The following TJP2 variants were observed in gnomAD, a reference collection of about 807,000 sequenced individuals.
TJP2 encodes tight junction protein 2.
In TJP2, 91 loss-of-function variants were observed where a neutral mutation model predicts 133.1. That is an observed-to-expected ratio of 0.68 (90% CI 0.58 to 0.81). The LOEUF is 0.81. Among genes scored for constraint, TJP2 ranks in the 40% least tolerant of loss-of-function variants. The pLI is 0.00. For missense variants in TJP2, 1,541 were observed against 1,565.6 expected (o/e 0.98, Z 0.26); for synonymous variants, 592 against 583.4 (o/e 1.01, Z -0.21).
Position 69,248,102 on chromosome 9 carries a change from A to G in TJP2, c.2758A>G (p.Ser920Gly). The G allele has an allele frequency of 1.2e-6, 2 of 1,614,178 alleles. No homozygotes were observed. The highest frequency in any genetic ancestry group is 1.7e-6 in the Non-Finnish European group (2 of 1,180,022). ...DYLSCDSRLI[S>G]DFEDTDGEGG... ...TCTGAGTTGCGACAGCCGCCTCATC[A>G]GTGACTTTGAAGACACGGACGGTGA... The change falls in exon 19 of 23, where the codon AGT (serine) becomes GGT (glycine). Residue 920 changes from serine (S) to glycine (G), a missense_variant. Transcript: ENST00000377245.
rs576335992 is a variant in TJP2 at position 69,123,627 on chromosome 9, G to A, written c.-131+1902G>A. ...TTTGGGAATTCCTGGGTAGACAAAA[G>A]CACTATAGCTCAAGGTTCTTAGAGT... On this transcript the variant is annotated intron_variant, in intron 1 of 5. Coordinates refer to the TJP2 transcript ENST00000423935. Among the ~76,000 whole-genome samples the A allele has an allele frequency of 2.6e-5, 2 of 76,756 alleles. 1 individual carries two copies. Among genetic ancestry groups the A allele is most frequent in the African/African-American group, 7.9e-5 (2 of 25,254 alleles). 50.4% of individuals were successfully genotyped at this position (76,756 alleles called of 152,430 possible).
chr9:69,237,929 T>C lies in TJP2; in HGVS notation c.2231T>C (p.Met744Thr). ...TTCGGCCCCATAGCTGATATAGCAA[T>C]GGAAAAATTGGCTAATGAGTTACCT... ...VLFGPIADIA[M>T]EKLANELPDW... The change falls in exon 15 of 23, where the codon ATG becomes ACG. Residue 744 changes from methionine to threonine, a missense_variant. By Grantham distance (81) the Met-to-Thr change is moderately conservative. Transcript: ENST00000377245. The C allele has an allele frequency of 6.2e-7, 1 of 1,614,002 alleles. No individual in the cohort carries two copies. Among genetic ancestry groups the C allele is most frequent in the South Asian group, 1.1e-5 (1 of 91,068 alleles).
chr9:69,218,944 A>T (rs921309485), intron 4 of TJP2, among the ~76,000 whole-genome samples: 5 of 151,428 alleles, frequency 3.3e-5, no homozygotes, highest in African/African-American at 9.7e-5. Context: ...ATATACCCAC[A>T]TATATGGTTG....
Position 69,241,512 on chromosome 9 carries a change from G to A in TJP2, c.2566+1365G>A, listed in dbSNP as rs543315164. ...GTTTTAGTGTAACTTGGTTTTTCTT[G>A]TTAAAGAGAGGTGCACTACTTGCCA... On this transcript the variant is annotated intron_variant, in intron 17 of 22. Transcript: ENST00000377245. 3.3e-5 allele frequency among the ~76,000 whole-genome samples: 5 copies of A among 152,292 alleles called. No individual in the cohort carries two copies. In the East Asian group the frequency reaches 9.6e-4, roughly 29 times the overall value.
intron 1 of TJP2, among the ~76,000 whole-genome samples, chr9:69,123,961 A>G (rs1294540680): frequency 1.3e-5 from 1 of 76,014 alleles, no homozygotes; most frequent in Non-Finnish European, 3.0e-5. Flanking sequence ...TCCACCTCCC[A>G]GGTTCACGCC....
At chr9:69,185,063 C>CTT (rs10699607) in intron 1 of TJP2, among the ~76,000 whole-genome samples, 59,018 of 132,228 alleles carry the variant, frequency 0.45, 13,368 homozygotes, top group South Asian at 0.51. Context: ...AGACTGATTT[C>CTT]TTTTTTTTTT....
intron 11 of TJP2, among the ~76,000 whole-genome samples, chr9:69,233,458 G>A (rs974553134): frequency 6.6e-6 from 1 of 152,154 alleles, no homozygotes; most frequent in African/African-American, 2.4e-5. Flanking sequence ...TTATAATTCT[G>A]TTTTAAAATA....
At chr9:69,143,947 A>G (rs956368498) in intron 1 of TJP2, among the ~76,000 whole-genome samples, 4 of 152,214 alleles carry the variant, frequency 2.6e-5, no homozygotes, top group African/African-American at 9.7e-5. Flanking sequence ...TTACAATTTA[A>G]AAGATATTAG....
At chr9:69,222,071 C>A (rs560301689) in intron 5 of TJP2, among the ~76,000 whole-genome samples, 6 of 151,942 alleles carry the variant, frequency 3.9e-5, no homozygotes, top group South Asian at 2.1e-4. Context: ...GGGGTTTCAC[C>A]GTGTTGGCCA....
intron 7 of TJP2, among the ~76,000 whole-genome samples, chr9:69,226,723 T>C (rs1474709786): frequency 6.6e-6 from 1 of 152,210 alleles, no homozygotes; most frequent in Admixed American, 6.5e-5. Flanking sequence ...GGTCTTGAAC[T>C]CCTGACCTCG....
intron 2 of TJP2, among the ~76,000 whole-genome samples, chr9:69,213,852 G>A (rs1226241565): frequency 6.6e-6 from 1 of 152,166 alleles, no homozygotes; most frequent in Non-Finnish European, 1.5e-5. Context: ...AAAACCAGGT[G>A]CCGGCTGGTG....
At chr9:69,234,367 G>GT (rs202132958) in intron 11 of TJP2, 72 bp from the exon 12 acceptor site, 3 of 1,206,448 alleles carry the variant, frequency 2.5e-6, no homozygotes, top group South Asian at 2.9e-5. Flanking sequence ...AAACTTCTCT[G>GT]TTTTTTCTTT....
chr9:69,146,365 T>C (rs1823211271), intron 1 of TJP2, among the ~76,000 whole-genome samples: 1 of 152,202 alleles, frequency 6.6e-6, no homozygotes, highest in African/African-American at 2.4e-5. Flanking sequence ...TCTGAAGTCT[T>C]CTTTTGTGCT....
chr9:69,130,066 A>G (rs933248588), intron 1 of TJP2, among the ~76,000 whole-genome samples: 1 of 151,982 alleles, frequency 6.6e-6, no homozygotes, highest in African/African-American at 2.4e-5. Flanking sequence ...AAGTAAAAAA[A>G]GAGTAGATTA....
Position 69,183,844 on chromosome 9 carries a change from C to G in TJP2, c.60+9412C>G, listed in dbSNP as rs189841283. ...GTGCCTCCCAGGTTCAAGTGATTCT[C>G]CTGCTTCAGCCTCCCAAGTAGCTGG... On this transcript the variant is annotated intron_variant, in intron 1 of 22. Transcript: ENST00000377245. 1.4e-3 allele frequency among the ~76,000 whole-genome samples: 211 copies of G among 152,298 alleles called. 2 individuals are homozygous for G. Among genetic ancestry groups the G allele is most frequent in the Admixed American group, 7.5e-3 (115 of 15,302 alleles).
At chr9:69,223,254 C>T (rs1353076145) in intron 5 of TJP2, among the ~76,000 whole-genome samples, 1 of 151,918 alleles carries the variant, frequency 6.6e-6, no homozygotes, top group Non-Finnish European at 1.5e-5. Flanking sequence ...TTACGTAGTC[C>T]TCACAAGAAC....
At chr9:69,187,709 G>A (rs1461530052) in intron 1 of TJP2, among the ~76,000 whole-genome samples, 1 of 152,206 alleles carries the variant, frequency 6.6e-6, no homozygotes, top group African/African-American at 2.4e-5. Context: ...TTGTTGGATG[G>A]GTGGTCAGTT....
chr9:69,205,128 A>G, intron 1 of TJP2: 1 of 1,536,766 alleles, frequency 6.5e-7, no homozygotes, highest in Non-Finnish European at 8.7e-7. Context: ...CCCGGAATGT[A>G]GGCGGTGGCC....
chr9:69,229,962 G>C, intron 10 of TJP2, 120 bp from the exon 11 acceptor site: 1 of 1,302,810 alleles, frequency 7.7e-7, no homozygotes, highest in South Asian at 1.2e-5. Context: ...AAATGAGAGG[G>C]CTTTGTAAAC....
Sources: gnomAD v4.1 joint callset for allele counts (sites outside exome capture counted in the v4.1 genomes callset) on GRCh38, gnomAD v4.1.1 for gene constraint, MANE v1.5 for transcripts, NCBI Gene and HGNC (gene_info 2026-07-23, HGNC 2026-07-21) for gene names.